The following FANCI variants were observed in gnomAD, a reference collection of about 807,000 sequenced individuals.
The protein encoded by FANCI is FA complementation group I, also known as Fanconi anemia group I protein.
A neutral mutation model predicts 176.1 loss-of-function variants in FANCI; 156 were observed. The ratio of observed to expected loss-of-function variants is 0.89; its 90% confidence interval spans 0.78 to 1.01. The LOEUF (loss-of-function observed/expected upper bound fraction) is 1.01, where lower values mean the gene tolerates loss of function less well. FANCI is among the 50% of genes least tolerant of loss of function. The probability of loss-of-function intolerance (pLI) is 0.00; values close to 1 mark genes in which losing one functional copy is unlikely to be tolerated. For missense variants in FANCI, 1,678 were observed against 1,534.1 expected (o/e 1.09, Z -1.57); for synonymous variants, 613 against 541.7 (o/e 1.13, Z -1.83).
At chr15:89,299,382 C>T (rs1567170006) in intron 24 of FANCI, among the ~76,000 whole-genome samples, 1 of 152,054 alleles carries the variant, frequency 6.6e-6, no homozygotes, top group Non-Finnish European at 1.5e-5. Context: ...GAACATATTC[C>T]ACCTCATTTA....
Position 89,261,743 on chromosome 15 carries a change from T to C in FANCI, c.445+2T>C. 1 of 1,614,180 alleles carries C rather than the reference T, an allele frequency of 6.2e-7. No homozygotes were observed. Among genetic ancestry groups the C allele is most frequent in the South Asian group, 1.1e-5 (1 of 91,072 alleles). On this transcript the variant is annotated splice_donor_variant, in intron 5 of 37. Coordinates refer to ENST00000310775, the MANE Select transcript of FANCI (RefSeq NM_001113378.2). LOFTEE classifies it high-confidence loss of function. ...AGGAAAATCTGGCTTATGGAAAAGG[T>C]AATTTTCTTCCGACTTTAGTGGCTT...
chr15:89,265,365 G>A (rs777838337), intron 9 of FANCI, among the ~76,000 whole-genome samples: 4 of 151,936 alleles, frequency 2.6e-5, no homozygotes, highest in African/African-American at 4.8e-5. Context: ...GCACCACTAC[G>A]CCCAGCTAAT....
At chr15:89,266,323 G>A (rs1372522098) in intron 9 of FANCI, among the ~76,000 whole-genome samples, 4 of 149,922 alleles carry the variant, frequency 2.7e-5, no homozygotes, top group Non-Finnish European at 5.9e-5. Context: ...CACTATGCCT[G>A]GCTAATTTTT....
intron 18 of FANCI, 128 bp downstream of exon 18, chr15:89,285,346 G>C (rs1318070887): frequency 4.1e-5 from 53 of 1,287,770 alleles, no homozygotes; most frequent in Non-Finnish European, 5.4e-5. Flanking sequence ...CCAGTAGCTA[G>C]TGATGTTTAG....
chr15:89,308,952 A>T (rs1362908647), intron 34 of FANCI, among the ~76,000 whole-genome samples: 1 of 151,860 alleles, frequency 6.6e-6, no homozygotes, highest in African/African-American at 2.4e-5. Flanking sequence ...TCTCAAAAAA[A>T]AAAAAAATAA....
intron 14 of FANCI, among the ~76,000 whole-genome samples, chr15:89,279,047 G>A (rs186017964): frequency 1.5e-3 from 228 of 152,304 alleles, no homozygotes; most frequent in African/African-American, 5.3e-3. Flanking sequence ...AATGAGTGCT[G>A]TCCTGCTGCT....
intron 10 of FANCI, among the ~76,000 whole-genome samples, chr15:89,272,469 C>G (rs1210425501): frequency 2.6e-5 from 4 of 151,788 alleles, no homozygotes; most frequent in Non-Finnish European, 1.5e-5. Context: ...TTTTGAAGTA[C>G]AAAAGTTTTA....
intron 20 of FANCI, 52 bp downstream of exon 20, chr15:89,291,766 T>C: frequency 1.4e-6 from 2 of 1,448,334 alleles, no homozygotes; most frequent in Non-Finnish European, 1.9e-6. Flanking sequence ...AAGGATAGGG[T>C]TGAACTTTGC....
At position 89,273,511 on chromosome 15, in the gene FANCI, T is replaced by TAAA. The variant is rs34985075; in HGVS notation, c.975+64_975+66dup. On this transcript the variant is annotated intron_variant, in intron 11 of 37. Transcript: ENST00000310775. ...CCATTTTGTTTCTTTCTGTAGTTGGTAAAAAAAAAAAAAAAAAAAAAAAAT... is the reference window on the plus strand; with the variant it reads ...CCATTTTGTTTCTTTCTGTAGTTGGTAAAAAAAAAAAAAAAAAAAAAAAAAAAT... 2,230 of 476,096 alleles carry TAAA rather than the reference T, an allele frequency of 4.7e-3. 46 individuals are homozygous for TAAA. In the African/African-American group the frequency reaches 0.05, roughly 11 times the overall value. The allele number at this position is 476,096 out of a possible 1,614,324, so 29.5% of individuals were successfully genotyped here.
At chr15:89,269,331 C>G (rs1488158302) in intron 10 of FANCI, among the ~76,000 whole-genome samples, 4 of 152,076 alleles carry the variant, frequency 2.6e-5, no homozygotes, top group African/African-American at 9.7e-5. Flanking sequence ...AACAATAATT[C>G]CATAATATTA....
intron 9 of FANCI, among the ~76,000 whole-genome samples, chr15:89,267,848 G>T (rs2053034144): frequency 6.6e-6 from 1 of 152,154 alleles, no homozygotes; most frequent in African/African-American, 2.4e-5. Flanking sequence ...GATCGTTTGA[G>T]CCTGGGAGGT....
In FANCI at chr15:89,295,101, C is replaced by T. The variant is rs1264792365; in HGVS notation, c.2636+7C>T. On this transcript the variant is annotated splice_region_variant and intron_variant, in intron 24 of 37. Transcript: ENST00000310775. Reference sequence around the variant, plus strand: ...ACCTCTGTGACATAACTCGGTAAGCCACTCCCACCCCTTAGAAACTTATTC... The same window carrying T: ...ACCTCTGTGACATAACTCGGTAAGCTACTCCCACCCCTTAGAAACTTATTC... 4 of 1,550,352 alleles carry T rather than the reference C, an allele frequency of 2.6e-6. No individual in the cohort carries two copies. The highest frequency in any genetic ancestry group is 8.7e-7 in the Non-Finnish European group (1 of 1,146,688).
In FANCI at chr15:89,249,017, A is replaced by G. The variant is rs188269351; in HGVS notation, c.84+1286A>G. Among the ~76,000 whole-genome samples the G allele has an allele frequency of 1.2e-4, 18 of 152,322 alleles. No homozygotes were observed. The East Asian group carries it at 3.3e-3, about 28-fold the overall frequency. ...TAGTGAGACCCAGTTTCTAAAAACA[A>G]CTACCAAAACAACAAACTTTATATC... On this transcript the variant is annotated intron_variant, in intron 2 of 37. Coordinates refer to ENST00000310775, the MANE Select transcript of FANCI (RefSeq NM_001113378.2).
Position 89,292,685 on chromosome 15 carries a change from C to T in FANCI, c.1993-3C>T. 6.2e-7 allele frequency: 1 copy of T among 1,613,052 alleles called. No individual in the cohort carries two copies. Among genetic ancestry groups the T allele is most frequent in the Non-Finnish European group, 8.5e-7 (1 of 1,179,810 alleles). ...TATTTAATTTACTTATTTTCTCCTA[C>T]AGGATTATCTGCTGTGTTGTATTCA... On this transcript the variant is annotated splice_region_variant and splice_polypyrimidine_tract_variant and intron_variant, in intron 20 of 37. Coordinates refer to ENST00000310775, the MANE Select transcript of FANCI (RefSeq NM_001113378.2).
chr15:89,280,943 G>A (rs1477177554), intron 14 of FANCI, among the ~76,000 whole-genome samples: 2 of 151,960 alleles, frequency 1.3e-5, no homozygotes, highest in Admixed American at 1.3e-4. Flanking sequence ...TTTCTTTTAG[G>A]CAGTTTAATT....
intron 2 of FANCI, among the ~76,000 whole-genome samples, chr15:89,254,098 C>G (rs2052391097): frequency 1.3e-5 from 2 of 152,134 alleles, no homozygotes; most frequent in Non-Finnish European, 2.9e-5. Flanking sequence ...GTGGCTCACG[C>G]CTGTAATCCC....
intron 8 of FANCI, 50 bp downstream of exon 8, chr15:89,264,076 T>G (rs372690798): frequency 6.2e-7 from 1 of 1,609,822 alleles, no homozygotes; most frequent in Non-Finnish European, 8.5e-7. Context: ...TGACCAGTTA[T>G]GACCATTCAA....
At chr15:89,313,973 TCACACA>T (rs139859584) in intron 35 of FANCI, among the ~76,000 whole-genome samples, 71 of 98,336 alleles carry the variant, frequency 7.2e-4, no homozygotes, top group Admixed American at 1.6e-3. Flanking sequence ...AGATATATAA[TCACACA>T]CACACACACA....
At chr15:89,268,647 ATC>A (rs1596258766) in intron 10 of FANCI, 122 bp downstream of exon 10, 3 of 1,203,478 alleles carry the variant, frequency 2.5e-6, no homozygotes, top group Non-Finnish European at 2.4e-6. Context: ...GGTGTGGAGG[ATC>A]TCTTTTTTTT....
Sources: allele counts gnomAD v4.1 joint callset (sites outside exome capture counted in the v4.1 genomes callset), GRCh38; gene constraint gnomAD v4.1.1; transcripts MANE v1.5; gene names NCBI Gene and HGNC (gene_info 2026-07-23, HGNC 2026-07-21).